The following NPAS3 variants were observed in gnomAD, a reference collection of about 807,000 sequenced individuals.
The protein encoded by NPAS3 is neuronal PAS domain protein 3.
In NPAS3, 14 loss-of-function variants were observed where a neutral mutation model predicts 73.1. The observed-to-expected ratio is 0.19, with a 90% CI of 0.13 to 0.30. NPAS3 has a LOEUF of 0.30. NPAS3 is among the 10% of genes least tolerant of loss of function. The pLI is 1.00. For synonymous variants in NPAS3, 620 were observed against 541.5 expected, an observed-to-expected ratio of 1.14 and a Z score of -2.01; for missense variants, 1,096 against 1,250.0, an observed-to-expected ratio of 0.88 and a Z score of 1.86.
intron 5 of NPAS3, among the ~76,000 whole-genome samples, chr14:33,562,890 C>G (rs1403972339): frequency 8.3e-6 from 1 of 120,014 alleles, no homozygotes; most frequent in Non-Finnish European, 1.9e-5. Flanking sequence ...AGCATTTGTT[C>G]TTTTATGAGC....
intron 3 of NPAS3, among the ~76,000 whole-genome samples, chr14:33,284,946 A>T (rs1302783800): frequency 1.3e-5 from 2 of 152,168 alleles, no homozygotes; most frequent in Non-Finnish European, 2.9e-5. Context: ...TGTCCTATAG[A>T]GCCCACGCTG....
intron 5 of NPAS3, among the ~76,000 whole-genome samples, chr14:33,561,336 C>T (rs765797171): frequency 6.6e-6 from 1 of 152,112 alleles, no homozygotes; most frequent in Non-Finnish European, 1.5e-5. Flanking sequence ...AGAGATTTGG[C>T]ATGTAAGGAG....
chr14:33,695,958 T>G (rs1436157516), intron 6 of NPAS3, among the ~76,000 whole-genome samples: 1 of 152,188 alleles, frequency 6.6e-6, no homozygotes, highest in African/African-American at 2.4e-5. Flanking sequence ...TTCATTATCT[T>G]ATTGTTGAGA....
At chr14:33,511,317 A>G (rs1390031753) in intron 4 of NPAS3, among the ~76,000 whole-genome samples, 3 of 152,056 alleles carry the variant, frequency 2.0e-5, no homozygotes, top group East Asian at 1.9e-4. Flanking sequence ...AACCTCAGCA[A>G]CCAAATCATT....
intron 3 of NPAS3, among the ~76,000 whole-genome samples, chr14:33,274,798 C>T (rs1013216901): frequency 2.0e-5 from 3 of 152,184 alleles, no homozygotes; most frequent in African/African-American, 7.2e-5. Context: ...ACCTAAGCTT[C>T]TTCCTTGGAC....
intron 4 of NPAS3, among the ~76,000 whole-genome samples, chr14:33,539,009 T>C (rs2054382871): frequency 6.6e-6 from 1 of 152,174 alleles, no homozygotes; most frequent in South Asian, 2.1e-4. Flanking sequence ...GCAGGCAACC[T>C]CTCAAGCATC....
chr14:33,471,496 G>T (rs1045812564), intron 4 of NPAS3, among the ~76,000 whole-genome samples: 1 of 152,134 alleles, frequency 6.6e-6, no homozygotes, highest in Non-Finnish European at 1.5e-5. Context: ...GGGAGACAGC[G>T]ATTTTTGCCC....
intron 1 of NPAS3, among the ~76,000 whole-genome samples, chr14:33,039,689 A>G (rs182125723): frequency 1.3e-5 from 2 of 152,372 alleles, no homozygotes; most frequent in East Asian, 3.9e-4. Flanking sequence ...TGCTGATAAC[A>G]AAGGCTTGAT....
At chr14:33,504,235 C>T (rs2052654702) in intron 4 of NPAS3, among the ~76,000 whole-genome samples, 1 of 151,978 alleles carries the variant, frequency 6.6e-6, no homozygotes, top group African/African-American at 2.4e-5. Context: ...GAGCAGGCTA[C>T]CATCTTGAAT....
At chr14:33,459,622 TTGC>T (rs2050168715) in intron 4 of NPAS3, among the ~76,000 whole-genome samples, 1 of 152,210 alleles carries the variant, frequency 6.6e-6, no homozygotes, top group African/African-American at 2.4e-5. Context: ...TCTCATGGTG[TTGC>T]TAGTAAGATC....
At chr14:33,647,366 T>C (rs184948598) in intron 5 of NPAS3, among the ~76,000 whole-genome samples, 1 of 152,088 alleles carries the variant, frequency 6.6e-6, no homozygotes, top group African/African-American at 2.4e-5. Context: ...TTAGTAATAT[T>C]TTTGACCAGC....
chr14:32,989,560 C>T (rs1378600099), intron 1 of NPAS3, among the ~76,000 whole-genome samples: 3 of 151,656 alleles, frequency 2.0e-5, no homozygotes, highest in Admixed American at 6.6e-5. Flanking sequence ...AGGAGAATGG[C>T]GTGAACCCCA....
At position 33,407,979 on chromosome 14, in the gene NPAS3, A is replaced by G. The variant is rs548666839; in HGVS notation, c.468+40711A>G. ...AAACAAAAGATGAACATCAAAAAACATCTGACTCAGCCAAATAAATGAATT... is the reference window on the plus strand; with the variant it reads ...AAACAAAAGATGAACATCAAAAAACGTCTGACTCAGCCAAATAAATGAATT... On this transcript the variant is annotated intron_variant, in intron 4 of 11. Coordinates refer to ENST00000356141, the Ensembl canonical transcript of NPAS3. 2.1e-4 allele frequency among the ~76,000 whole-genome samples: 32 copies of G among 152,326 alleles called. No individual in the cohort carries two copies. In the South Asian group the frequency reaches 6.2e-3, roughly 30 times the overall value.
intron 3 of NPAS3, among the ~76,000 whole-genome samples, chr14:33,312,075 A>G (rs906729455): frequency 2.6e-5 from 4 of 152,150 alleles, no homozygotes; most frequent in Admixed American, 6.6e-5. Flanking sequence ...TTGACTTGAC[A>G]TACAGTAGTC....
At chr14:33,156,321 T>G (rs2044646678) in intron 2 of NPAS3, among the ~76,000 whole-genome samples, 1 of 152,216 alleles carries the variant, frequency 6.6e-6, no homozygotes, top group Admixed American at 6.5e-5. Flanking sequence ...GTTTTTACCT[T>G]GATGTGTTTA....
chr14:32,938,472 A>AGAGAAATG (rs1344404721), upstream of NPAS3, among the ~76,000 whole-genome samples: 2 of 128,934 alleles, frequency 1.6e-5, no homozygotes, highest in Admixed American at 7.7e-5. Context: ...AGAGAGAGAG[A>AGAGAAATG]GAGAGAGAGA....
intron 6 of NPAS3, among the ~76,000 whole-genome samples, chr14:33,700,369 G>A (rs1464502781): frequency 6.6e-6 from 1 of 152,106 alleles, no homozygotes; most frequent in Non-Finnish European, 1.5e-5. Flanking sequence ...CCTGTGCCTG[G>A]AATTAAAAAT....
intron 6 of NPAS3, among the ~76,000 whole-genome samples, chr14:33,707,330 C>T (rs2140476442): frequency 7.5e-6 from 1 of 132,692 alleles, no homozygotes; most frequent in Admixed American, 9.2e-5. Flanking sequence ...CAGCTGGTTT[C>T]TTTTTCTTCT....
At chr14:33,256,732 T>A (rs1441839432) in intron 3 of NPAS3, among the ~76,000 whole-genome samples, 1 of 152,246 alleles carries the variant, frequency 6.6e-6, no homozygotes, top group Admixed American at 6.5e-5. Context: ...TAGACTTACA[T>A]ATTATTAATA....
Sources: allele counts gnomAD v4.1 joint callset (sites outside exome capture counted in the v4.1 genomes callset), GRCh38; gene constraint gnomAD v4.1.1; transcripts MANE v1.5; gene names NCBI Gene and HGNC (gene_info 2026-07-23, HGNC 2026-07-21).